TNRC6A: variants seen among roughly 807,000 people sequenced by gnomAD.
TNRC6A encodes trinucleotide repeat containing adaptor 6A, also known as trinucleotide repeat-containing gene 6A protein.
Under a neutral mutation model 221.2 loss-of-function variants are expected in TNRC6A, and 44 were observed. That is an observed-to-expected ratio of 0.20 (90% CI 0.16 to 0.26). The LOEUF (loss-of-function observed/expected upper bound fraction) is 0.26, where lower values mean the gene tolerates loss of function less well. Ranked by LOEUF, TNRC6A falls within the 10% of genes least tolerant of loss-of-function variation. The probability of loss-of-function intolerance (pLI) is 1.00; values close to 1 mark genes in which losing one functional copy is unlikely to be tolerated. For missense variants in TNRC6A, 2,199 were observed against 2,404.4 expected (o/e 0.91, Z 1.79); for synonymous variants, 847 against 838.5 (o/e 1.01, Z -0.18).
In TNRC6A at chr16:24,750,813, G is replaced by C; in HGVS notation, c.141G>C (p.Lys47Asn). ...AAAAGAAGGAAGCTGCTCAAAAGAA[G>C]GTAGTATGTGTGTAAACTATTTATA... ...DKKKKEAAQK[K>N]ATEQKIKVPE... The change falls in exon 3 of 25, where the codon AAG becomes AAC. Residue 47 changes from lysine (K) to asparagine (N), a missense_variant and splice_region_variant. Lys to Asn is a moderately conservative substitution (Grantham distance 94). Around this residue, in one of 8 missense-constraint regions of TNRC6A, gnomAD observed 1,405 missense variants for 1,400.2 expected, o/e 1.00. Coordinates refer to ENST00000395799, the MANE Select transcript of TNRC6A (RefSeq NM_014494.4). 6.5e-7 allele frequency: 1 copy of C among 1,537,112 alleles called. No homozygotes were observed. Among genetic ancestry groups the C allele is most frequent in the Non-Finnish European group, 8.7e-7 (1 of 1,146,672 alleles).
intron 1 of TNRC6A, among the ~76,000 whole-genome samples, chr16:24,629,662 T>A (rs942543234): frequency 1.1e-4 from 16 of 152,274 alleles, no homozygotes; most frequent in African/African-American, 3.4e-4. Flanking sequence ...TAGCCTTTTT[T>A]AAAAATTTAT....
At chr16:24,689,079 TAAAC>T (rs1232910450) in intron 2 of TNRC6A, among the ~76,000 whole-genome samples, 2 of 151,824 alleles carry the variant, frequency 1.3e-5, no homozygotes, top group Non-Finnish European at 2.9e-5. Flanking sequence ...AAAGACAAAA[TAAAC>T]AAACAAAAAA....
intron 2 of TNRC6A, chr16:24,664,018 A>C (rs1320067588): frequency 2.2e-6 from 1 of 448,562 alleles, no homozygotes; most frequent in African/African-American, 2.0e-5. Context: ...TAGTGAACAG[A>C]AGAGAAGGGG....
chr16:24,730,150 C>T, intron 1 of TNRC6A, 103 bp from the exon 2 acceptor site: 1 of 1,202,420 alleles, frequency 8.3e-7, no homozygotes, highest in Non-Finnish European at 1.1e-6. Flanking sequence ...CTCCCCCATC[C>T]GGCCCCGGCG....
chr16:24,761,419 A>C (rs1567435883), intron 4 of TNRC6A, among the ~76,000 whole-genome samples: 1 of 152,216 alleles, frequency 6.6e-6, no homozygotes, highest in South Asian at 2.1e-4. Flanking sequence ...TAGATGGATA[A>C]ATTTTAAGAT....
Position 24,790,185 on chromosome 16 carries a change from G to A in TNRC6A, c.1543G>A (p.Gly515Arg), listed in dbSNP as rs1254030583. The change falls in exon 6 of 25, where the codon GGA (glycine) becomes AGA (arginine). Residue 515 changes from glycine to arginine, a missense_variant. Gly to Arg is a moderately radical substitution (Grantham distance 125). Coordinates refer to ENST00000395799, the MANE Select transcript of TNRC6A (RefSeq NM_014494.4). The part of the protein sequence containing the change: ...SHLSNGESKS[G>R]GSYGTTWGAY... ...CCTTAGCAATGGAGAGTCAAAAAGTGGAGGCTCTTATGGTACTACATGGGG... is the reference window on the plus strand; with the variant it reads ...CCTTAGCAATGGAGAGTCAAAAAGTAGAGGCTCTTATGGTACTACATGGGG... The A allele has an allele frequency of 3.7e-6, 6 of 1,614,058 alleles. No individual in the cohort carries two copies. In the East Asian group the frequency reaches 1.1e-4, roughly 30 times the overall value.
intron 4 of TNRC6A, among the ~76,000 whole-genome samples, chr16:24,772,699 C>T (rs1380747755): frequency 6.6e-6 from 1 of 152,090 alleles, no homozygotes; most frequent in Non-Finnish European, 1.5e-5. Flanking sequence ...ATGAGAATCA[C>T]TTGAACCAGG....
chr16:24,818,409 G>A (rs1031521350), intron 20 of TNRC6A, among the ~76,000 whole-genome samples, 184 bp from the exon 21 acceptor site: 7 of 152,204 alleles, frequency 4.6e-5, no homozygotes, highest in African/African-American at 7.2e-5. Context: ...GACAATTGGC[G>A]AGCTCGCTCA....
chr16:24,719,575 C>T (rs2056374253), intron 2 of TNRC6A, among the ~76,000 whole-genome samples: 1 of 152,030 alleles, frequency 6.6e-6, no homozygotes, highest in African/African-American at 2.4e-5. Flanking sequence ...GTGAGAATCA[C>T]TTGAACCTGG....
intron 4 of TNRC6A, among the ~76,000 whole-genome samples, chr16:24,767,851 G>A (rs2057506302): frequency 6.6e-6 from 1 of 152,064 alleles, no homozygotes; most frequent in Non-Finnish European, 1.5e-5. Flanking sequence ...GAATGTTCAG[G>A]TATTATGTTT....
At chr16:24,659,871 T>C (rs2054992539) in intron 2 of TNRC6A, among the ~76,000 whole-genome samples, 1 of 152,226 alleles carries the variant, frequency 6.6e-6, no homozygotes, top group African/African-American at 2.4e-5. Flanking sequence ...ATAAAAGATG[T>C]ATCCTCTATT....
At chr16:24,687,113 G>A (rs776288723) in intron 2 of TNRC6A, among the ~76,000 whole-genome samples, 4 of 152,090 alleles carry the variant, frequency 2.6e-5, no homozygotes, top group East Asian at 1.9e-4. Context: ...CTTAAATACC[G>A]CTAACTCACG....
chr16:24,697,407 A>G (rs1184770012), intron 2 of TNRC6A, among the ~76,000 whole-genome samples: 1 of 152,202 alleles, frequency 6.6e-6, no homozygotes, highest in Non-Finnish European at 1.5e-5. Flanking sequence ...AATGTGGGCC[A>G]GGCACAGTGG....
At chr16:24,749,121 G>A (rs1282589954) in intron 2 of TNRC6A, among the ~76,000 whole-genome samples, 3 of 152,154 alleles carry the variant, frequency 2.0e-5, no homozygotes, top group African/African-American at 7.2e-5. Flanking sequence ...TTTTCTTTGG[G>A]TAACTGGTTA....
intron 1 of TNRC6A, among the ~76,000 whole-genome samples, chr16:24,637,128 G>A (rs534694544): frequency 8.7e-4 from 132 of 152,218 alleles, no homozygotes; most frequent in African/African-American, 3.1e-3. Flanking sequence ...AACCTCCCAG[G>A]CTCAGGTGAT....
chr16:24,703,414 G>T (rs1158386964), intron 2 of TNRC6A, among the ~76,000 whole-genome samples: 1 of 152,118 alleles, frequency 6.6e-6, no homozygotes. Flanking sequence ...TCCATTGAAT[G>T]GATGTGCTAA....
intron 2 of TNRC6A, among the ~76,000 whole-genome samples, chr16:24,643,109 A>AT (rs1567319469): frequency 1.9e-3 from 108 of 56,600 alleles, no homozygotes; most frequent in African/African-American, 5.4e-3. Context: ...TATATATATA[A>AT]AATATATATA....
intron 1 of TNRC6A, among the ~76,000 whole-genome samples, chr16:24,637,302 G>A (rs1596569043): frequency 6.6e-6 from 1 of 152,100 alleles, no homozygotes; most frequent in East Asian, 1.9e-4. Context: ...CAAAGTGCTG[G>A]GATTACAAGC....
rs1276653933 is a variant in TNRC6A, at chr16:24,687,846, A to AGAGGAAGAG, written n.402+46839_402+46840insGGAAGAGGA. Among the ~76,000 whole-genome samples the AGAGGAAGAG allele has an allele frequency of 1.4e-4, 20 of 146,942 alleles. No individual in the cohort carries two copies. The East Asian group carries it at 2.4e-3, about 18-fold the overall frequency. On this transcript the variant is annotated intron_variant and non_coding_transcript_variant, in intron 2 of 2. Coordinates refer to the TNRC6A transcript ENST00000566108. ...AGGAAGAAGAGGAAGAGGAAGAGGA[A>AGAGGAAGAG]GAAGAAGAAGAAGAAGAAGAAGAAG... is the stretch of plus-strand genomic sequence containing the variant.
Sources: allele counts gnomAD v4.1 joint callset (sites outside exome capture counted in the v4.1 genomes callset), GRCh38; gene constraint gnomAD v4.1.1; regional missense constraint gnomAD v4.1.1; transcripts MANE v1.5; gene names NCBI Gene and HGNC (gene_info 2026-07-23, HGNC 2026-07-21).